Variants in EYA2 observed in about 807,000 individuals in gnomAD.
EYA2 encodes the protein EYA transcriptional coactivator and phosphatase 2, also known as protein phosphatase EYA2.
A neutral mutation model predicts 69.2 loss-of-function variants in EYA2; 31 were observed. The ratio of observed to expected loss-of-function variants is 0.45; its 90% confidence interval spans 0.34 to 0.60. The LOEUF (loss-of-function observed/expected upper bound fraction) is 0.60. EYA2 is among the 20% of genes least tolerant of loss of function. EYA2 has a pLI of 0.02. For synonymous variants in EYA2, 257 were observed against 279.4 expected, an observed-to-expected ratio of 0.92 and a Z score of 0.80; for missense variants, 622 against 701.2, an observed-to-expected ratio of 0.89 and a Z score of 1.28.
intron 1 of EYA2, among the ~76,000 whole-genome samples, chr20:46,969,141 G>T (rs528477158): frequency 1.3e-5 from 2 of 152,256 alleles, no homozygotes; most frequent in South Asian, 4.1e-4. Context: ...GTTAGCTCTG[G>T]GAGTCAGAGG....
At chr20:46,999,596 A>G (rs1294762012) in intron 2 of EYA2, among the ~76,000 whole-genome samples, 3 of 152,366 alleles carry the variant, frequency 2.0e-5, no homozygotes, top group East Asian at 1.9e-4. Flanking sequence ...ACCTGCTGCC[A>G]TCGTATATCA....
intron 10 of EYA2, among the ~76,000 whole-genome samples, chr20:47,160,077 T>C (rs2034033600): frequency 6.6e-6 from 1 of 152,060 alleles, no homozygotes; most frequent in African/African-American, 2.4e-5. Context: ...GGAGGTGATA[T>C]CCATTGTGGG....
At chr20:47,066,782 C>G (rs547482415) in intron 5 of EYA2, among the ~76,000 whole-genome samples, 1 of 152,310 alleles carries the variant, frequency 6.6e-6, no homozygotes, top group South Asian at 2.1e-4. Context: ...TATTAGGGGA[C>G]CCTCCAGGAG....
intron 5 of EYA2, among the ~76,000 whole-genome samples, chr20:47,032,911 T>C (rs1984498290): frequency 6.6e-6 from 1 of 152,228 alleles, no homozygotes; most frequent in Admixed American, 6.5e-5. Flanking sequence ...CCTGCAATCT[T>C]GAATTTTGGT....
intron 5 of EYA2, among the ~76,000 whole-genome samples, chr20:47,039,173 C>T (rs540444959): frequency 7.2e-5 from 11 of 152,042 alleles, no homozygotes; most frequent in African/African-American, 2.7e-4. Flanking sequence ...ACTATTTTGA[C>T]CTAGACCAGG....
chr20:47,050,289 G>A (rs1479212281), intron 5 of EYA2, among the ~76,000 whole-genome samples: 2 of 152,192 alleles, frequency 1.3e-5, no homozygotes, highest in African/African-American at 4.8e-5. Flanking sequence ...TATGTAGCGA[G>A]AGGGAAAAAT....
At chr20:47,150,866 G>A (rs1198899274) in intron 10 of EYA2, among the ~76,000 whole-genome samples, 2 of 151,950 alleles carry the variant, frequency 1.3e-5, no homozygotes, top group African/African-American at 4.8e-5. Flanking sequence ...CCTTAACATA[G>A]TCACTTGGCC....
At chr20:46,900,558 C>T (rs916242951) in intron 1 of EYA2, among the ~76,000 whole-genome samples, 1 of 152,208 alleles carries the variant, frequency 6.6e-6, no homozygotes, top group African/African-American at 2.4e-5. Context: ...ATATACACTT[C>T]TGTTTAAGAA....
At position 47,060,291 on chromosome 20, in the gene EYA2, A is replaced by AT. The variant is rs138336350; in HGVS notation, c.416-11890dup. Among the ~76,000 whole-genome samples the AT allele has an allele frequency of 3.8e-4, 58 of 152,312 alleles. 1 individual carries two copies. In the East Asian group the frequency reaches 0.01, roughly 27 times the overall value. ...AATTATATAATCAAAAATCAGATTCATTTTATCCTTCTCCCATTTTGGCCT... is the reference window on the plus strand; with the variant it reads ...AATTATATAATCAAAAATCAGATTCATTTTTATCCTTCTCCCATTTTGGCCT... On this transcript the variant is annotated intron_variant, in intron 5 of 15. Transcript: ENST00000327619.
chr20:47,048,702 A>C (rs574108809), intron 5 of EYA2, among the ~76,000 whole-genome samples: 3 of 152,328 alleles, frequency 2.0e-5, no homozygotes, highest in African/African-American at 7.2e-5. Flanking sequence ...ACGCCATTGC[A>C]TGCCAGTCTG....
At chr20:47,165,736 A>G (rs1171136310) in intron 10 of EYA2, among the ~76,000 whole-genome samples, 1 of 152,070 alleles carries the variant, frequency 6.6e-6, no homozygotes, top group Non-Finnish European at 1.5e-5. Context: ...TTCTAATCTG[A>G]GGCCCTTTCA....
intron 2 of EYA2, 21 bp from the exon 3 acceptor site, chr20:47,001,407 A>AT (rs1357501290): frequency 6.2e-7 from 1 of 1,613,266 alleles, no homozygotes; most frequent in Admixed American, 1.7e-5. Flanking sequence ...AACTCTTCCA[A>AT]TTTTTCTTTT....
At chr20:46,911,398 G>C (rs1179875170) in intron 1 of EYA2, among the ~76,000 whole-genome samples, 1 of 152,186 alleles carries the variant, frequency 6.6e-6, no homozygotes, top group Non-Finnish European at 1.5e-5. Flanking sequence ...GAGGAAAGCT[G>C]TTCTTCTGCA....
intron 6 of EYA2, among the ~76,000 whole-genome samples, 185 bp from the exon 7 acceptor site, chr20:47,073,973 C>T (rs1380878866): frequency 6.6e-6 from 1 of 152,114 alleles, no homozygotes; most frequent in East Asian, 1.9e-4. Context: ...CCTTCACCTT[C>T]CAAACAGCCT....
At chr20:46,988,137 G>A (rs749509240) in intron 1 of EYA2, among the ~76,000 whole-genome samples, 87 of 146,454 alleles carry the variant, frequency 5.9e-4, no homozygotes, top group Non-Finnish European at 1.1e-3. Flanking sequence ...GGATGTATGT[G>A]GGTTATATGC....
intron 5 of EYA2, among the ~76,000 whole-genome samples, chr20:47,056,685 C>G (rs1297125843): frequency 6.6e-6 from 1 of 152,166 alleles, no homozygotes; most frequent in African/African-American, 2.4e-5. Context: ...TCTGAATTCT[C>G]TGTTGTCTTC....
chr20:47,012,943 C>A (rs1358325379), intron 4 of EYA2, among the ~76,000 whole-genome samples: 1 of 152,222 alleles, frequency 6.6e-6, no homozygotes, highest in Admixed American at 6.5e-5. Flanking sequence ...ATGCATGGAC[C>A]ACAGTCTGGA....
intron 1 of EYA2, among the ~76,000 whole-genome samples, chr20:46,954,247 A>G (rs56744006): frequency 1.1e-3 from 163 of 152,290 alleles, no homozygotes; most frequent in African/African-American, 3.8e-3. Flanking sequence ...CTACTAGAGC[A>G]TCATCTCCAG....
In EYA2 at chr20:47,163,936, GCC is replaced by G. The variant is rs778534333; in HGVS notation, c.979-5200_979-5199del. 2.6e-5 allele frequency among the ~76,000 whole-genome samples: 4 copies of G among 152,188 alleles called. No individual in the cohort carries two copies. The East Asian group carries it at 7.7e-4, about 29-fold the overall frequency. On this transcript the variant is annotated intron_variant, in intron 10 of 15. Coordinates refer to ENST00000327619, the MANE Select transcript of EYA2 (RefSeq NM_005244.5). Reference sequence around the variant, plus strand: ...GGATTGCACCAGGTCCCGGTCCTCAGCCCCACTGCACTTCACCTGTGTCAAGG... The same window carrying G: ...GGATTGCACCAGGTCCCGGTCCTCAGCCACTGCACTTCACCTGTGTCAAGG...
Sources: gnomAD v4.1 joint callset for allele counts (sites outside exome capture counted in the v4.1 genomes callset) on GRCh38, gnomAD v4.1.1 for gene constraint, MANE v1.5 for transcripts, NCBI Gene and HGNC (gene_info 2026-07-23, HGNC 2026-07-21) for gene names.